Variants in CDH8 observed in about 807,000 individuals in gnomAD.
CDH8 encodes cadherin-8.
CDH8 carries 17 observed loss-of-function variants against 68.1 expected under a neutral mutation model. The ratio of observed to expected loss-of-function variants is 0.25; its 90% confidence interval spans 0.17 to 0.37. CDH8 has a LOEUF of 0.37. CDH8 is among the 10% of genes least tolerant of loss of function. CDH8 has a pLI of 1.00. For missense variants in CDH8, 763 were observed against 999.3 expected, an observed-to-expected ratio of 0.76 and a Z score of 3.19; for synonymous variants, 372 against 365.1, an observed-to-expected ratio of 1.02 and a Z score of -0.21.
chr16:61,754,029 A>G (rs1392535037), intron 8 of CDH8, among the ~76,000 whole-genome samples: 1 of 152,130 alleles, frequency 6.6e-6, no homozygotes, highest in Non-Finnish European at 1.5e-5. Flanking sequence ...GACTCCCAAC[A>G]TTTCTGGATT....
intron 2 of CDH8, among the ~76,000 whole-genome samples, chr16:61,930,222 T>C (rs1197857615): frequency 6.6e-6 from 1 of 151,550 alleles, no homozygotes; most frequent in Non-Finnish European, 1.5e-5. Context: ...ATTTTATTAA[T>C]AGAGTGATTG....
Position 61,874,708 on chromosome 16 carries a change from A to G in CDH8, c.548-17470T>C, listed in dbSNP as rs560748153. On this transcript the variant is annotated intron_variant, in intron 3 of 11. Coordinates refer to ENST00000577390, the MANE Select transcript of CDH8 (RefSeq NM_001796.5). ...TGAATGTATCAATACAACAGCCCCAATTGAGAATATTATCTCACTCAATCC... is the reference window on the plus strand; with the variant it reads ...TGAATGTATCAATACAACAGCCCCAGTTGAGAATATTATCTCACTCAATCC... Among the ~76,000 whole-genome samples the G allele has an allele frequency of 2.8e-4, 43 of 152,264 alleles. 1 individual carries two copies. The highest frequency in any genetic ancestry group is 9.6e-4 in the African/African-American group (40 of 41,552).
chr16:61,830,284 A>G (rs1029691728), intron 4 of CDH8, among the ~76,000 whole-genome samples: 4 of 151,822 alleles, frequency 2.6e-5, no homozygotes, highest in African/African-American at 9.7e-5. Context: ...CCTAATACAG[A>G]GCACAAAATA....
chr16:61,946,096 C>A (rs2143563236), intron 2 of CDH8, among the ~76,000 whole-genome samples: 1 of 152,278 alleles, frequency 6.6e-6, no homozygotes, highest in Middle Eastern at 3.4e-3. Flanking sequence ...CTGCCTCCTG[C>A]CCACTCCTAA....
Position 61,647,627 on chromosome 16 carries a change from G to A in CDH8, c.*5981C>T, listed in dbSNP as rs1963233355. On this transcript the variant is annotated 3_prime_UTR_variant, in exon 12 of 12. Coordinates refer to ENST00000577390, the MANE Select transcript of CDH8 (RefSeq NM_001796.5). Reference sequence around the variant, plus strand: ...AAATTAACATTTGGCTTTGGGGGGTGATCCCAATGACTCCTAAATTGTCAT... The same window carrying A: ...AAATTAACATTTGGCTTTGGGGGGTAATCCCAATGACTCCTAAATTGTCAT... 1 of 543,790 alleles carries A rather than the reference G, an allele frequency of 1.8e-6. No individual in the cohort carries two copies. The highest frequency in any genetic ancestry group is 3.4e-5 in the Admixed American group (1 of 29,496). 33.7% of individuals were successfully genotyped at this position (543,790 alleles called of 1,614,324 possible). A position where few individuals can be genotyped will look rare whatever the true frequency, so the allele number is the denominator to read the frequency against.
chr16:61,856,174 T>C (rs1963043337), intron 4 of CDH8, among the ~76,000 whole-genome samples: 1 of 152,070 alleles, frequency 6.6e-6, no homozygotes, highest in Admixed American at 6.6e-5. Context: ...CGCTGAAAAG[T>C]CATGAATCAA....
At chr16:61,912,316 A>G (rs550011934) in intron 2 of CDH8, among the ~76,000 whole-genome samples, 2 of 152,254 alleles carry the variant, frequency 1.3e-5, no homozygotes, top group East Asian at 3.9e-4. Context: ...CTGTGTCAAA[A>G]TGCTTGATTT....
chr16:61,959,558 G>GTATA (rs113210287), intron 2 of CDH8, among the ~76,000 whole-genome samples: 43 of 145,144 alleles, frequency 3.0e-4, no homozygotes, highest in African/African-American at 5.4e-4. Flanking sequence ...GTGTGTGTGT[G>GTATA]TATATATATA....
intron 10 of CDH8, among the ~76,000 whole-genome samples, chr16:61,675,527 C>G (rs1406126941): frequency 6.7e-6 from 1 of 148,198 alleles, no homozygotes; most frequent in Non-Finnish European, 1.5e-5. Flanking sequence ...TGCAGCACAC[C>G]AGCATGGCAC....
At chr16:61,844,471 T>C (rs1962762250) in intron 4 of CDH8, among the ~76,000 whole-genome samples, 1 of 152,308 alleles carries the variant, frequency 6.6e-6, no homozygotes, top group South Asian at 2.1e-4. Context: ...AGAGCATTTG[T>C]TTGGCTTATT....
At chr16:61,845,512 A>AAAC (rs1962787886) in intron 4 of CDH8, among the ~76,000 whole-genome samples, 1 of 151,588 alleles carries the variant, frequency 6.6e-6, no homozygotes, top group Admixed American at 6.6e-5. Context: ...TAAAAAAAAA[A>AAAC]AAAAAAAAAA....
At chr16:61,909,378 T>C (rs77020318) in intron 2 of CDH8, among the ~76,000 whole-genome samples, 1 of 152,228 alleles carries the variant, frequency 6.6e-6, no homozygotes, top group African/African-American at 2.4e-5. Flanking sequence ...AAGCCCTCTA[T>C]GTGCATTATT....
chr16:61,881,085 G>A (rs1426723035), intron 3 of CDH8, among the ~76,000 whole-genome samples: 4 of 152,112 alleles, frequency 2.6e-5, no homozygotes, highest in African/African-American at 4.8e-5. Context: ...ATGAGACCTC[G>A]TCCCTGGATG....
At chr16:61,735,304 G>A (rs1959646661) in intron 8 of CDH8, among the ~76,000 whole-genome samples, 1 of 152,000 alleles carries the variant, frequency 6.6e-6, no homozygotes. Context: ...CCAAAAGCTA[G>A]GACATTCATG....
chr16:62,008,540 C>T (rs746083311), intron 2 of CDH8, among the ~76,000 whole-genome samples: 11 of 151,716 alleles, frequency 7.3e-5, no homozygotes, highest in Non-Finnish European at 1.3e-4. Context: ...GCTGTGTTGC[C>T]CATGCTTGAA....
chr16:61,725,901 CGTGTGT>C (rs150128249), intron 9 of CDH8: 1 of 146,632 alleles, frequency 6.8e-6, no homozygotes, highest in Non-Finnish European at 1.5e-5. Context: ...TGTGTGTGTG[CGTGTGT>C]GTGTGTGTGG....
intron 10 of CDH8, among the ~76,000 whole-genome samples, chr16:61,657,622 G>A (rs901957317): frequency 6.6e-6 from 1 of 152,084 alleles, no homozygotes; most frequent in Non-Finnish European, 1.5e-5. Context: ...CAGAAAGTAT[G>A]TGACAAGTTT....
intron 10 of CDH8, among the ~76,000 whole-genome samples, chr16:61,699,374 T>C (rs1964380883): frequency 6.6e-6 from 1 of 152,170 alleles, no homozygotes; most frequent in Non-Finnish European, 1.5e-5. Flanking sequence ...AAGAAGAAAA[T>C]GAACAAGCAA....
intron 8 of CDH8, among the ~76,000 whole-genome samples, chr16:61,758,452 G>C (rs535697126): frequency 1.3e-5 from 2 of 152,022 alleles, no homozygotes; most frequent in Non-Finnish European, 2.9e-5. Flanking sequence ...TTTTGTTTGA[G>C]ATTGAGTTTT....
Sources: gnomAD v4.1 joint callset for allele counts (sites outside exome capture counted in the v4.1 genomes callset) on GRCh38, gnomAD v4.1.1 for gene constraint, MANE v1.5 for transcripts, NCBI Gene and HGNC (gene_info 2026-07-23, HGNC 2026-07-21) for gene names.